Variants in DIPK2B observed in about 807,000 individuals in gnomAD.
DIPK2B encodes divergent protein kinase domain 2B.
DIPK2B carries 15 observed loss-of-function variants against 22.2 expected under a neutral mutation model. That is an observed-to-expected ratio of 0.68 (90% confidence interval 0.45 to 1.04). The LOEUF (loss-of-function observed/expected upper bound fraction) is 1.04. DIPK2B is among the 50% of genes least tolerant of loss of function. The pLI, the probability that DIPK2B is intolerant of heterozygous loss-of-function variation, is 0.00. For missense variants in DIPK2B, 345 were observed against 348.3 expected (o/e 0.99, Z 0.08); for synonymous variants, 163 against 153.2 (o/e 1.06, Z -0.47).
intron 2 of DIPK2B, chrX:45,163,202 A>G: frequency 4.9e-6 from 1 of 205,129 alleles, no homozygotes. Flanking sequence ...GGAACAAGGA[A>G]TTCTATCTGC....
intron 2 of DIPK2B, among the ~76,000 whole-genome samples, chrX:45,168,007 C>T (rs1313510073): frequency 8.9e-6 from 1 of 112,410 alleles, no homozygotes; most frequent in Non-Finnish European, 1.9e-5. Flanking sequence ...TTTTGAGAAA[C>T]CACTTGGATG....
At chrX:45,155,900 G>A (rs1287440112) in intron 3 of DIPK2B, among the ~76,000 whole-genome samples, 3 of 105,751 alleles carry the variant, frequency 2.8e-5, no homozygotes, top group Admixed American at 1.0e-4. Context: ...CCATTTTAAC[G>A]CACATACTGC....
intron 2 of DIPK2B, among the ~76,000 whole-genome samples, chrX:45,167,518 A>AAG (rs1211545596): frequency 9.3e-6 from 1 of 108,092 alleles, no homozygotes; most frequent in East Asian, 2.9e-4. Context: ...AAAAAAAAAA[A>AAG]AGAGGAGAAA....
intron 2 of DIPK2B, among the ~76,000 whole-genome samples, chrX:45,167,587 T>A (rs758458442): frequency 7.2e-5 from 8 of 110,599 alleles, no homozygotes; most frequent in Non-Finnish European, 1.5e-4. Context: ...ACTAAAGGTC[T>A]TTCTGATTAT....
At chrX:45,165,039 G>T (rs1323325272) in intron 2 of DIPK2B, among the ~76,000 whole-genome samples, 1 of 111,538 alleles carries the variant, frequency 9.0e-6, no homozygotes, top group Non-Finnish European at 1.9e-5. Context: ...TGACAGTCCT[G>T]GCCTTCAGAA....
intron 2 of DIPK2B, among the ~76,000 whole-genome samples, chrX:45,185,419 G>A (rs1034555771): frequency 3.6e-5 from 4 of 111,116 alleles, no homozygotes; most frequent in African/African-American, 1.3e-4. Context: ...TTAAAGCCCT[G>A]TAAAAGCAAA....
intron 2 of DIPK2B, among the ~76,000 whole-genome samples, chrX:45,165,057 A>G (rs1029500719): frequency 1.3e-4 from 14 of 111,645 alleles, no homozygotes; most frequent in African/African-American, 4.6e-4. Context: ...GAATGCTATA[A>G]ACATACAGAT....
Position 45,151,834 on chromosome X carries a change from A to C in DIPK2B, c.1120T>G (p.Phe374Val). 1 of 1,210,111 alleles carries C rather than the reference A, an allele frequency of 8.3e-7. No individual in the cohort carries two copies. The highest frequency in any genetic ancestry group is 1.1e-6 in the Non-Finnish European group (1 of 894,923). Residue 374 changes from phenylalanine to valine, a missense_variant, in exon 5 of 5, where the codon TTC becomes GTC. Physicochemically the swap from Phe to Val is conservative, Grantham distance 50 (BLOSUM62 -1). Transcript: ENST00000398000. ...KLLPRLLQGR[F>V]PSPVQDDIDS... ...ATGTCGTCTTGCACTGGGGAGGGGA[A>C]CCTCCCCTGGAGAAGTCGAGGCAGC...
intron 2 of DIPK2B, among the ~76,000 whole-genome samples, chrX:45,180,244 C>CTAAT (rs2047142359): frequency 1.8e-5 from 2 of 111,582 alleles, no homozygotes; most frequent in Non-Finnish European, 3.8e-5. Flanking sequence ...AAATAGATAC[C>CTAAT]TAATTATAAT....
chrX:45,192,024 A>T lies in DIPK2B; in HGVS notation c.234-9T>A. The T allele has an allele frequency of 8.3e-7, 1 of 1,201,751 alleles. No individual in the cohort carries two copies. The highest frequency in any genetic ancestry group is 1.1e-6 in the Non-Finnish European group (1 of 890,329). ...CCAGCCAGTTGTCAGATCTGTTGGA[A>T]GAATAGCCCTTTGAGGATTGGCCTG... On this transcript the variant is annotated splice_polypyrimidine_tract_variant and intron_variant, in intron 1 of 4. Transcript: ENST00000398000.
chrX:45,186,348 G>A (rs2047183586), intron 2 of DIPK2B, among the ~76,000 whole-genome samples: 1 of 111,194 alleles, frequency 9.0e-6, no homozygotes, highest in Admixed American at 9.6e-5. Flanking sequence ...GGGGTCTCAT[G>A]ATTTCAGTGT....
intron 1 of DIPK2B, among the ~76,000 whole-genome samples, chrX:45,192,347 T>C (rs761582748): frequency 5.3e-4 from 59 of 111,128 alleles, no homozygotes; most frequent in African/African-American, 1.8e-3. Context: ...ATTCCCCTAA[T>C]CCCCAATTTC....
At chrX:45,180,998 C>A (rs148665913) in intron 2 of DIPK2B, among the ~76,000 whole-genome samples, 1 of 111,707 alleles carries the variant, frequency 9.0e-6, no homozygotes, top group South Asian at 3.7e-4. Flanking sequence ...CTGTGGAAAG[C>A]AAAACCAGGG....
chrX:45,190,624 G>C (rs186853287), intron 2 of DIPK2B, among the ~76,000 whole-genome samples: 1 of 112,093 alleles, frequency 8.9e-6, no homozygotes. Flanking sequence ...TGGATGAACA[G>C]GAATGGAAGC....
At chrX:45,156,553 GT>G (rs2046996881) in intron 3 of DIPK2B, among the ~76,000 whole-genome samples, 1 of 112,027 alleles carries the variant, frequency 8.9e-6, no homozygotes, top group African/African-American at 3.2e-5. Flanking sequence ...CGCCAGGCAG[GT>G]TTTAGTGGGA....
chrX:45,165,837 C>T (rs1363888047), intron 2 of DIPK2B, among the ~76,000 whole-genome samples: 1 of 111,958 alleles, frequency 8.9e-6, no homozygotes, highest in Non-Finnish European at 1.9e-5. Context: ...AACACGCATG[C>T]AAAAGCCTTG....
intron 2 of DIPK2B, chrX:45,163,827 T>C: frequency 1.3e-6 from 1 of 797,222 alleles, no homozygotes; most frequent in Non-Finnish European, 1.5e-6. Context: ...CCCTAGCTCC[T>C]TATCAGGTTC....
chrX:45,153,312 C>T (rs755071239), intron 4 of DIPK2B, among the ~76,000 whole-genome samples: 1 of 111,948 alleles, frequency 8.9e-6, no homozygotes, highest in Non-Finnish European at 1.9e-5. Context: ...TCATCCACCT[C>T]ATTTGGTTCC....
At chrX:45,160,725 C>G (rs2047018203) in intron 2 of DIPK2B, among the ~76,000 whole-genome samples, 1 of 111,332 alleles carries the variant, frequency 9.0e-6, no homozygotes, top group Non-Finnish European at 1.9e-5. Flanking sequence ...AGGAGGAATC[C>G]CAGAATGGAA....
Sources: allele counts gnomAD v4.1 joint callset (sites outside exome capture counted in the v4.1 genomes callset), GRCh38; gene constraint gnomAD v4.1.1; transcripts MANE v1.5; gene names NCBI Gene and HGNC (gene_info 2026-07-23, HGNC 2026-07-21).